GLCCI1: variants seen among roughly 807,000 people sequenced by gnomAD.
GLCCI1 encodes the protein glucocorticoid induced 1, also known as glucocorticoid-induced transcript 1 protein.
In GLCCI1, 24 loss-of-function variants were observed where a neutral mutation model predicts 52.2. The ratio of observed to expected loss-of-function variants is 0.46; its 90% CI spans 0.33 to 0.65. The LOEUF (loss-of-function observed/expected upper bound fraction) is 0.65. Among genes scored for constraint, GLCCI1 ranks in the 30% least tolerant of loss-of-function variants. The pLI, the probability that GLCCI1 is intolerant of heterozygous loss-of-function variation, is 0.02. For missense variants in GLCCI1, 704 were observed against 701.5 expected, an observed-to-expected ratio of 1.00 and a Z score of -0.04; for synonymous variants, 310 against 276.5, an observed-to-expected ratio of 1.12 and a Z score of -1.20.
At position 8,084,878 on chromosome 7, in the gene GLCCI1, A is replaced by T. The variant is rs760015115; in HGVS notation, c.1178-19A>T. The T allele has an allele frequency of 6.2e-7, 1 of 1,609,574 alleles. No homozygotes were observed. Among genetic ancestry groups the T allele is most frequent in the Non-Finnish European group, 8.5e-7 (1 of 1,178,778 alleles). On this transcript the variant is annotated intron_variant, in intron 6 of 7. Coordinates refer to ENST00000223145, the MANE Select transcript of GLCCI1 (RefSeq NM_138426.4). ...AGAGCTTTCAATCACTAGTTAATAT[A>T]ACTGCTTTAAATTTACAGACAGTGG...
At chr7:8,010,151 C>G (rs1190066223) in intron 2 of GLCCI1, among the ~76,000 whole-genome samples, 1 of 152,104 alleles carries the variant, frequency 6.6e-6, no homozygotes, top group East Asian at 1.9e-4. Context: ...ACCTCAGTCT[C>G]AAAATGTCAC....
At chr7:8,061,382 G>A (rs986236454) in intron 5 of GLCCI1, among the ~76,000 whole-genome samples, 1 of 152,112 alleles carries the variant, frequency 6.6e-6, no homozygotes, top group African/African-American at 2.4e-5. Context: ...TTACAGGCGT[G>A]AGCCACTGCA....
At chr7:7,977,518 A>G (rs1780518729) in intron 1 of GLCCI1, among the ~76,000 whole-genome samples, 1 of 152,226 alleles carries the variant, frequency 6.6e-6, no homozygotes. Flanking sequence ...TAGAGGCATA[A>G]ATGTATCCTG....
In GLCCI1 at chr7:7,969,221, C is replaced by G; in HGVS notation, c.-130C>G. ...GAGGGGGAGCCCCGAGACTCCTCCC[C>G]CACAGCGATACCCCCGCCCCTCCCC... is the stretch of plus-strand genomic sequence containing the variant. On this transcript the variant is annotated 5_prime_UTR_variant, in exon 1 of 8. Coordinates refer to ENST00000223145, the MANE Select transcript of GLCCI1 (RefSeq NM_138426.4). The surrounding 1 kb of genome is among the most constrained non-coding windows in gnomAD (Gnocchi z 4.9). 1.2e-6 allele frequency: 1 copy of G among 800,492 alleles called. No individual in the cohort carries two copies. The highest frequency in any genetic ancestry group is 1.8e-5 in the African/African-American group (1 of 54,306). The allele number at this position is 800,492 out of a possible 1,614,324, so 49.6% of individuals were successfully genotyped here. A position where few individuals can be genotyped will look rare whatever the true frequency, so the allele number is the denominator to read the frequency against.
At chr7:8,013,875 A>G (rs1781321792) in intron 2 of GLCCI1, among the ~76,000 whole-genome samples, 1 of 152,084 alleles carries the variant, frequency 6.6e-6, no homozygotes, top group African/African-American at 2.4e-5. Flanking sequence ...TCATCCAAAT[A>G]GTAATTCTAC....
intron 1 of GLCCI1, chr7:7,981,781 C>A: frequency 2.1e-5 from 8 of 376,434 alleles, no homozygotes; most frequent in South Asian, 1.7e-4. Flanking sequence ...TACAAAGGAA[C>A]AGGATAAACC....
At chr7:7,994,292 G>C (rs568429338) in intron 1 of GLCCI1, among the ~76,000 whole-genome samples, 1 of 152,150 alleles carries the variant, frequency 6.6e-6, no homozygotes, top group South Asian at 2.1e-4. Context: ...ATTATAGCTA[G>C]TTTATAAAAT....
At chr7:8,037,043 G>T (rs951156529) in intron 3 of GLCCI1, among the ~76,000 whole-genome samples, 3 of 152,066 alleles carry the variant, frequency 2.0e-5, no homozygotes, top group African/African-American at 7.2e-5. Flanking sequence ...AATAGAAGAG[G>T]CTCAAGGAAA....
chr7:8,060,291 T>C (rs559191639), intron 5 of GLCCI1, 43 bp downstream of exon 5: 3 of 1,495,650 alleles, frequency 2.0e-6, no homozygotes, highest in South Asian at 1.2e-5. Flanking sequence ...TTCTCTGATA[T>C]AACGAACTGT....
At chr7:7,972,860 C>T (rs35149843) in intron 1 of GLCCI1, among the ~76,000 whole-genome samples, 16,089 of 152,108 alleles carry the variant, frequency 0.11, 1,099 homozygotes, top group African/African-American at 0.18. Context: ...AATAGAAATA[C>T]GTAAATTGCC....
chr7:8,041,821 G>A (rs1782005432), intron 3 of GLCCI1, among the ~76,000 whole-genome samples: 1 of 152,052 alleles, frequency 6.6e-6, no homozygotes, highest in African/African-American at 2.4e-5. Flanking sequence ...CGAACTCCTG[G>A]GCTCAAGCAG....
chr7:8,037,502 A>G (rs1428625568), intron 3 of GLCCI1, among the ~76,000 whole-genome samples: 1 of 152,206 alleles, frequency 6.6e-6, no homozygotes, highest in Non-Finnish European at 1.5e-5. Context: ...CTACAAAGCA[A>G]CTAGGTAAGT....
At chr7:8,063,476 C>T (rs558706066) in intron 5 of GLCCI1, among the ~76,000 whole-genome samples, 1 of 152,016 alleles carries the variant, frequency 6.6e-6, no homozygotes, top group South Asian at 2.1e-4. Context: ...ACCGTTCTAA[C>T]TGATGTGAGA....
intron 1 of GLCCI1, among the ~76,000 whole-genome samples, chr7:7,997,102 TA>T (rs1447781741): frequency 2.0e-5 from 3 of 152,232 alleles, no homozygotes; most frequent in Admixed American, 6.5e-5. Flanking sequence ...AAACTAAATC[TA>T]GTAATAATTC....
At chr7:8,076,620 C>T (rs911465904) in intron 6 of GLCCI1, among the ~76,000 whole-genome samples, 1 of 152,162 alleles carries the variant, frequency 6.6e-6, no homozygotes, top group Non-Finnish European at 1.5e-5. Flanking sequence ...TAATTCAAAA[C>T]TACTTAAATA....
At chr7:8,050,647 C>T (rs6970858) in intron 3 of GLCCI1, among the ~76,000 whole-genome samples, 128 of 152,284 alleles carry the variant, frequency 8.4e-4, no homozygotes, top group African/African-American at 3.0e-3. Flanking sequence ...GGAGTTATCT[C>T]AGTTCAGCCT....
At chr7:8,058,900 A>G (rs1782457232) in intron 4 of GLCCI1, among the ~76,000 whole-genome samples, 1 of 152,224 alleles carries the variant, frequency 6.6e-6, no homozygotes, top group South Asian at 2.1e-4. Flanking sequence ...TGTATGTTTC[A>G]TGTATTATAT....
chr7:7,990,368 G>C (rs1009786282), intron 1 of GLCCI1, among the ~76,000 whole-genome samples: 1 of 152,010 alleles, frequency 6.6e-6, no homozygotes, highest in Admixed American at 6.6e-5. Flanking sequence ...CAGTTCAATC[G>C]GTAATATCAA....
intron 5 of GLCCI1, among the ~76,000 whole-genome samples, chr7:8,065,997 CTAG>C (rs778740946): frequency 5.9e-5 from 9 of 152,144 alleles, no homozygotes; most frequent in Non-Finnish European, 1.2e-4. Context: ...CTTTATACAG[CTAG>C]TAGAATTTGG....
Sources: allele counts gnomAD v4.1 joint callset (sites outside exome capture counted in the v4.1 genomes callset), GRCh38; gene constraint gnomAD v4.1.1; non-coding constraint Gnocchi (gnomAD v3.1); transcripts MANE v1.5; gene names NCBI Gene and HGNC (gene_info 2026-07-23, HGNC 2026-07-21).